Variants in LHFPL6 observed in about 807,000 individuals in gnomAD.
LHFPL6 encodes the protein LHFPL tetraspan subfamily member 6 protein.
Under a neutral mutation model 20.6 loss-of-function variants are expected in LHFPL6, and 9 were observed. The ratio of observed to expected loss-of-function variants is 0.44; its 90% CI spans 0.26 to 0.76. LHFPL6 has a LOEUF of 0.76. LHFPL6 is among the 30% of genes least tolerant of loss of function. The pLI, the probability that LHFPL6 is intolerant of heterozygous loss-of-function variation, is 0.20. For missense variants in LHFPL6, 218 were observed against 253.5 expected (o/e 0.86, Z 0.95); for synonymous variants, 105 against 98.7 (o/e 1.06, Z -0.38).
intron 2 of LHFPL6, among the ~76,000 whole-genome samples, chr13:39,569,670 A>G (rs909957097): frequency 2.0e-5 from 3 of 152,220 alleles, no homozygotes; most frequent in African/African-American, 7.2e-5. Context: ...ATGAATTAAT[A>G]TTCTTTATGA....
chr13:39,430,146 A>G (rs948061532), intron 2 of LHFPL6, among the ~76,000 whole-genome samples: 1 of 152,112 alleles, frequency 6.6e-6, no homozygotes, highest in African/African-American at 2.4e-5. Context: ...TGGGTGTACC[A>G]CTCAAATGCC....
intron 2 of LHFPL6, among the ~76,000 whole-genome samples, chr13:39,463,042 C>T (rs550534448): frequency 6.6e-6 from 1 of 152,320 alleles, no homozygotes; most frequent in East Asian, 1.9e-4. Context: ...AACCGCATGG[C>T]TGTAGTCTTC....
intron 2 of LHFPL6, among the ~76,000 whole-genome samples, chr13:39,423,526 C>A (rs372267538): frequency 1.3e-5 from 2 of 151,912 alleles, no homozygotes; most frequent in African/African-American, 4.8e-5. Context: ...TGGGTTCATG[C>A]GATTCTCCTG....
At chr13:39,412,748 C>T (rs1416396648) in intron 2 of LHFPL6, among the ~76,000 whole-genome samples, 1 of 152,090 alleles carries the variant, frequency 6.6e-6, no homozygotes, top group East Asian at 1.9e-4. Context: ...GATTGTGAAA[C>T]CCTGTCCCTA....
intron 2 of LHFPL6, among the ~76,000 whole-genome samples, chr13:39,462,591 C>A (rs1233367183): frequency 6.6e-6 from 1 of 152,138 alleles, no homozygotes; most frequent in Non-Finnish European, 1.5e-5. Flanking sequence ...TATTAAGCAA[C>A]AAATAAATGC....
chr13:39,494,815 G>A (rs1004533102), intron 2 of LHFPL6, among the ~76,000 whole-genome samples: 30 of 152,144 alleles, frequency 2.0e-4, no homozygotes, highest in Non-Finnish European at 3.2e-4. Context: ...GAATTGTGCC[G>A]TGCCAAAATA....
intron 2 of LHFPL6, among the ~76,000 whole-genome samples, chr13:39,484,097 C>T (rs1007304455): frequency 1.3e-5 from 2 of 152,194 alleles, no homozygotes; most frequent in Non-Finnish European, 2.9e-5. Context: ...CAGATCTGTG[C>T]TTTCAATGCC....
intron 2 of LHFPL6, among the ~76,000 whole-genome samples, chr13:39,501,816 G>A (rs542023775): frequency 6.5e-4 from 99 of 152,224 alleles, no homozygotes; most frequent in Middle Eastern, 3.4e-3. Context: ...GGCCCAGAGC[G>A]AACCAGGGCA....
At chr13:39,482,864 T>C (rs978656375) in intron 2 of LHFPL6, among the ~76,000 whole-genome samples, 9 of 152,162 alleles carry the variant, frequency 5.9e-5, no homozygotes, top group African/African-American at 2.2e-4. Flanking sequence ...AGAAAAGGCA[T>C]TAGATACAGG....
chr13:39,533,242 G>C (rs1593352290), intron 2 of LHFPL6, among the ~76,000 whole-genome samples: 1 of 152,190 alleles, frequency 6.6e-6, no homozygotes, highest in East Asian at 1.9e-4. Context: ...CACAATCTAA[G>C]CTGCTGAAAC....
intron 2 of LHFPL6, among the ~76,000 whole-genome samples, chr13:39,446,866 C>T (rs571943596): frequency 6.6e-6 from 1 of 152,274 alleles, no homozygotes; most frequent in South Asian, 2.1e-4. Context: ...TAATCAATAA[C>T]ACAACTTTGT....
intron 2 of LHFPL6, among the ~76,000 whole-genome samples, chr13:39,471,704 T>A (rs1408801843): frequency 2.0e-5 from 3 of 152,240 alleles, no homozygotes; most frequent in African/African-American, 7.2e-5. Flanking sequence ...GTACCACATG[T>A]ATCATGTGTA....
chr13:39,350,806 C>A (rs562919708), intron 3 of LHFPL6, among the ~76,000 whole-genome samples: 82 of 152,220 alleles, frequency 5.4e-4, no homozygotes, highest in African/African-American at 2.0e-3. Context: ...CCTGCCAAGT[C>A]GACAGAAAAA....
chr13:39,518,445 A>G (rs1258972500), intron 2 of LHFPL6, among the ~76,000 whole-genome samples: 2 of 152,216 alleles, frequency 1.3e-5, no homozygotes, highest in Non-Finnish European at 2.9e-5. Flanking sequence ...TTTTTTAATC[A>G]ACTTATATGT....
Position 39,368,222 on chromosome 13 carries a change from T to C in LHFPL6, c.484+10206A>G, listed in dbSNP as rs115648433. On this transcript the variant is annotated intron_variant, in intron 3 of 3. Transcript: ENST00000379589. ...TGTGCATACCTGTAATCCCAACTATTTGGGAGGGCGAGGCAGGAGAATCAC... is the reference window on the plus strand; with the variant it reads ...TGTGCATACCTGTAATCCCAACTATCTGGGAGGGCGAGGCAGGAGAATCAC... Among the ~76,000 whole-genome samples the C allele has an allele frequency of 2.5e-3, 378 of 150,670 alleles. 1 individual carries two copies. The highest frequency in any genetic ancestry group is 8.6e-3 in the African/African-American group (353 of 40,948).
chr13:39,444,422 T>C (rs1872230132), intron 2 of LHFPL6, among the ~76,000 whole-genome samples: 1 of 152,210 alleles, frequency 6.6e-6, no homozygotes, highest in African/African-American at 2.4e-5. Flanking sequence ...AGCCAGGTTC[T>C]ACTCATCAAG....
At chr13:39,428,897 T>G (rs1378519340) in intron 2 of LHFPL6, among the ~76,000 whole-genome samples, 1 of 152,196 alleles carries the variant, frequency 6.6e-6, no homozygotes, top group Non-Finnish European at 1.5e-5. Flanking sequence ...AAATACTTTC[T>G]AATTTCCCTT....
intron 2 of LHFPL6, among the ~76,000 whole-genome samples, chr13:39,396,040 T>G (rs543650888): frequency 6.6e-6 from 1 of 152,324 alleles, no homozygotes; most frequent in African/African-American, 2.4e-5. Context: ...GGGTTTTACT[T>G]CAGAAAGGAA....
At position 39,491,049 on chromosome 13, in the gene LHFPL6, G is replaced by C. The variant is rs560790385; in HGVS notation, c.385+109783C>G. 2.0e-5 allele frequency among the ~76,000 whole-genome samples: 3 copies of C among 152,270 alleles called. No individual in the cohort carries two copies. The South Asian group carries it at 6.2e-4, about 32-fold the overall frequency. ...GATAGTGACTGCAAAGTGCCTCTAA[G>C]TTTAGACAACAAAGATTTGTGAGTC... On this transcript the variant is annotated intron_variant, in intron 2 of 3. Coordinates refer to ENST00000379589, the MANE Select transcript of LHFPL6 (RefSeq NM_005780.3).
Sources: allele counts gnomAD v4.1 joint callset (sites outside exome capture counted in the v4.1 genomes callset), GRCh38; gene constraint gnomAD v4.1.1; transcripts MANE v1.5; gene names NCBI Gene and HGNC (gene_info 2026-07-23, HGNC 2026-07-21).